The following COPS3 variants were observed in gnomAD, a reference collection of about 807,000 sequenced individuals.
COPS3 encodes the protein COP9 signalosome subunit 3.
COPS3 carries 10 observed loss-of-function variants against 58.2 expected under a neutral mutation model. The observed-to-expected ratio is 0.17, with a 90% CI of 0.11 to 0.29. The LOEUF is 0.29. Ranked by LOEUF, COPS3 falls within the 10% of genes least tolerant of loss-of-function variation. The probability of loss-of-function intolerance (pLI) is 1.00; values close to 1 mark genes in which losing one functional copy is unlikely to be tolerated. For missense variants in COPS3, 333 were observed against 510.1 expected (o/e 0.65, Z 3.34); for synonymous variants, 187 against 181.7 (o/e 1.03, Z -0.24).
intron 5 of COPS3, among the ~76,000 whole-genome samples, chr17:17,266,526 C>T (rs750233455): frequency 3.7e-4 from 57 of 152,020 alleles, no homozygotes; most frequent in Admixed American, 2.1e-3. Context: ...AGGCCAGGCA[C>T]GGTGGTTCAC....
At chr17:17,280,063 G>T (rs2048541441) in intron 1 of COPS3, among the ~76,000 whole-genome samples, 1 of 151,908 alleles carries the variant, frequency 6.6e-6, no homozygotes, top group Non-Finnish European at 1.5e-5. Context: ...TGAGGAGTTC[G>T]AAACCAGCTT....
Position 17,264,846 on chromosome 17 carries a change from T to A in COPS3, c.577A>T (p.Thr193Ser). Reference protein sequence around the residue: ...CYYYYGGMIYTGLKNFERALY... With the variant: ...CYYYYGGMIYSGLKNFERALY... ...GCTCTTTCAAAGTTCTTCAGCCCAG[T>A]ATAGATCATCCCTCCATAATAATAG... The change falls in exon 6 of 12, where the codon ACT (threonine) becomes TCT (serine). Residue 193 changes from threonine to serine, a missense_variant. Transcript: ENST00000268717. The A allele has an allele frequency of 1.1e-5, 18 of 1,613,382 alleles. No individual in the cohort carries two copies. Among genetic ancestry groups the A allele is most frequent in the Non-Finnish European group, 1.4e-5 (17 of 1,179,654 alleles).
At position 17,270,746 on chromosome 17, in the gene COPS3, A is replaced by G; in HGVS notation, c.348+12T>C. On this transcript the variant is annotated intron_variant, in intron 4 of 11. Coordinates refer to ENST00000268717, the MANE Select transcript of COPS3 (RefSeq NM_003653.4). ...ATAACAAAACTAGGAATACTTGAAT[A>G]GTATTTCTTACCTGTTTTCTTTCCA... 6.3e-7 allele frequency: 1 copy of G among 1,578,222 alleles called. No homozygotes were observed. The highest frequency in any genetic ancestry group is 8.6e-7 in the Non-Finnish European group (1 of 1,158,412).
At chr17:17,274,829 C>T (rs182587417) in intron 2 of COPS3, among the ~76,000 whole-genome samples, 25 of 151,772 alleles carry the variant, frequency 1.6e-4, no homozygotes, top group African/African-American at 5.6e-4. Context: ...CATGATTTCT[C>T]CCCTAAAACC....
At chr17:17,249,319 T>G (rs1275811371) in intron 9 of COPS3, among the ~76,000 whole-genome samples, 1 of 151,920 alleles carries the variant, frequency 6.6e-6, no homozygotes, top group African/African-American at 2.4e-5. Context: ...TTAACCATTT[T>G]ATTTATTTAT....
chr17:17,247,123 C>T lies in COPS3; in HGVS notation c.1247G>A (p.Gly416Glu), dbSNP rs1413381024. ...KSMGSQEDDS[G>E]NKPSSYS ...TCAAGAATAACTGGATGGTTTGTTT[C>T]CTGAATCATCTTCTTGTGAGCCCAT... is the stretch of plus-strand genomic sequence containing the variant. The change falls in exon 12 of 12, where the codon GGA becomes GAA. Residue 416 changes from glycine to glutamate, a missense_variant. Physicochemically the swap from Gly to Glu is moderately conservative, Grantham distance 98 (BLOSUM62 -2). Transcript: ENST00000268717. 6.2e-7 allele frequency: 1 copy of T among 1,613,896 alleles called. No homozygotes were observed.
At chr17:17,256,333 A>C (rs942224465) in intron 8 of COPS3, among the ~76,000 whole-genome samples, 1 of 152,164 alleles carries the variant, frequency 6.6e-6, no homozygotes, top group African/African-American at 2.4e-5. Context: ...ATTTTGTATT[A>C]TAAATGTATA....
At chr17:17,280,727 C>A in intron 1 of COPS3, 1 of 1,247,062 alleles carries the variant, frequency 8.0e-7, no homozygotes, top group Admixed American at 3.1e-5. Context: ...GCGGCCTAGT[C>A]AGCAAGCTGC....
chr17:17,262,136 G>T, intron 6 of COPS3, 30 bp from the exon 7 acceptor site: 5 of 1,595,398 alleles, frequency 3.1e-6, no homozygotes, highest in Non-Finnish European at 4.3e-6. Context: ...TTGCTGTAAA[G>T]AGAACATACC....
intron 1 of COPS3, 99 bp from the exon 2 acceptor site, chr17:17,276,263 A>C (rs926413550): frequency 1.3e-6 from 2 of 1,486,538 alleles, no homozygotes; most frequent in East Asian, 2.3e-5. Context: ...TGAAGTTCCC[A>C]AAATTGATTC....
chr17:17,248,628 T>TA (rs1475222765), intron 10 of COPS3, among the ~76,000 whole-genome samples: 2 of 152,164 alleles, frequency 1.3e-5, no homozygotes, highest in African/African-American at 4.8e-5. Flanking sequence ...GGAAGAGTTT[T>TA]AAGCAGCCCA....
intron 8 of COPS3, among the ~76,000 whole-genome samples, chr17:17,256,833 T>C (rs1053403199): frequency 1.3e-5 from 2 of 152,126 alleles, no homozygotes; most frequent in African/African-American, 2.4e-5. Flanking sequence ...TCAACGTATC[T>C]TCCTGCCTCA....
chr17:17,257,205 A>G (rs1319666112), intron 8 of COPS3, among the ~76,000 whole-genome samples: 1 of 152,006 alleles, frequency 6.6e-6, no homozygotes, highest in Admixed American at 6.6e-5. Context: ...GTCTACTAAA[A>G]ATACAAAAAT....
chr17:17,268,595 T>C (rs1053827244), intron 4 of COPS3, among the ~76,000 whole-genome samples: 2 of 151,904 alleles, frequency 1.3e-5, no homozygotes, highest in African/African-American at 4.8e-5. Flanking sequence ...CCAAGATGGG[T>C]GGATCATGAG....
At chr17:17,265,838 C>T (rs1034008977) in intron 5 of COPS3, among the ~76,000 whole-genome samples, 1 of 152,130 alleles carries the variant, frequency 6.6e-6, no homozygotes, top group African/African-American at 2.4e-5. Context: ...AAGAGTGTGT[C>T]CTCTTTCTTT....
intron 7 of COPS3, among the ~76,000 whole-genome samples, chr17:17,261,007 T>C (rs918780221): frequency 6.6e-6 from 1 of 151,980 alleles, no homozygotes; most frequent in Admixed American, 6.6e-5. Flanking sequence ...CACTATGGAG[T>C]AATTCATTTT....
chr17:17,248,945 A>C lies in COPS3; in HGVS notation c.1118T>G (p.Leu373Arg), dbSNP rs1185200109. 3 of 1,601,802 alleles carry C rather than the reference A, an allele frequency of 1.9e-6. No homozygotes were observed. The highest frequency in any genetic ancestry group is 3.4e-5 in the Admixed American group (2 of 58,106). Reference sequence around the variant, plus strand: ...GTTTACCTCCTGATCAATGTTATGAAGCATGGCTGGGTTATTATATTTTTC... The same window carrying C: ...GTTTACCTCCTGATCAATGTTATGACGCATGGCTGGGTTATTATATTTTTC... ...NPEKYNNPAM[L>R]HNIDQEMLKC... Residue 373 changes from leucine to arginine, a missense_variant, in exon 10 of 12, where the codon CTT (leucine) becomes CGT (arginine). Transcript: ENST00000268717.
intron 2 of COPS3, among the ~76,000 whole-genome samples, chr17:17,271,846 A>ATATC (rs1555620672): frequency 2.1e-5 from 3 of 142,662 alleles, no homozygotes; most frequent in Admixed American, 7.2e-5. Context: ...ATATCTATAT[A>ATATC]TATATATATA....
chr17:17,260,032 G>T (rs1222839382), intron 8 of COPS3, among the ~76,000 whole-genome samples: 1 of 152,170 alleles, frequency 6.6e-6, no homozygotes, highest in Non-Finnish European at 1.5e-5. Flanking sequence ...CCTCTCTGAG[G>T]CTGCCTTTCA....
Sources: allele counts gnomAD v4.1 joint callset (sites outside exome capture counted in the v4.1 genomes callset), GRCh38; gene constraint gnomAD v4.1.1; transcripts MANE v1.5; gene names NCBI Gene and HGNC (gene_info 2026-07-23, HGNC 2026-07-21).